Variants in FSCN2 observed in about 807,000 individuals in gnomAD.
FSCN2 encodes fascin-2.
FSCN2 carries 46 observed loss-of-function variants against 37.8 expected under a neutral mutation model. That is an observed-to-expected ratio of 1.22 (90% CI 0.96 to 1.56). The LOEUF is 1.56. Ranked by LOEUF, FSCN2 falls within the 40% of genes most tolerant of loss-of-function variation. FSCN2 has a pLI of 0.00. For synonymous variants in FSCN2, 351 were observed against 309.4 expected, an observed-to-expected ratio of 1.13 and a Z score of -1.41; for missense variants, 844 against 730.4, an observed-to-expected ratio of 1.16 and a Z score of -1.79.
At chr17:81,516,443 C>T in the FSCN2 span, among the ~76,000 whole-genome samples, 1 of 152,240 alleles carries the variant, frequency 6.6e-6, no homozygotes, top group Non-Finnish European at 1.5e-5. Flanking sequence ...CTCAGCCCAC[C>T]TCCCTCTTCT....
the FSCN2 span, among the ~76,000 whole-genome samples, chr17:81,516,928 C>T: frequency 6.6e-6 from 1 of 152,148 alleles, no homozygotes; most frequent in Admixed American, 6.5e-5. Context: ...GACCAGGTCT[C>T]TGCATGTTTT....
chr17:81,517,249 C>A, the FSCN2 span, among the ~76,000 whole-genome samples: 5 of 152,088 alleles, frequency 3.3e-5, no homozygotes, highest in Non-Finnish European at 1.5e-5. Flanking sequence ...GAGCAGGAAC[C>A]AAGGAGGCCC....
chr17:81,515,822 C>T, the FSCN2 span, among the ~76,000 whole-genome samples: 1 of 152,284 alleles, frequency 6.6e-6, no homozygotes, highest in East Asian at 1.9e-4. Context: ...CTCTACCTGC[C>T]TGGAATGTCT....
At chr17:81,516,530 C>G in the FSCN2 span, among the ~76,000 whole-genome samples, 1 of 152,188 alleles carries the variant, frequency 6.6e-6, no homozygotes, top group Non-Finnish European at 1.5e-5. Flanking sequence ...CTGGCTGGCT[C>G]CCTTGGGCAG....
intron 1 of FSCN2, among the ~76,000 whole-genome samples, chr17:81,531,354 G>A (rs879991143): frequency 4.0e-5 from 5 of 124,324 alleles, no homozygotes; most frequent in East Asian, 2.4e-4. Flanking sequence ...GGTGATGATG[G>A]TGATGGTGAT....
At chr17:81,520,504 T>C in the FSCN2 span, among the ~76,000 whole-genome samples, 1 of 152,240 alleles carries the variant, frequency 6.6e-6, no homozygotes, top group African/African-American at 2.4e-5. Flanking sequence ...AGGCATCCTT[T>C]GGGGGCGTCA....
intron 1 of FSCN2, among the ~76,000 whole-genome samples, chr17:81,530,314 C>A (rs868910327): frequency 6.6e-6 from 1 of 152,260 alleles, no homozygotes; most frequent in Non-Finnish European, 1.5e-5. Context: ...TGGGGAGGCA[C>A]CTCCCTGCCC....
intron 1 of FSCN2, among the ~76,000 whole-genome samples, chr17:81,531,672 G>GTGATGATGATGGTGA (rs2032618144): frequency 8.0e-6 from 1 of 125,238 alleles, no homozygotes; most frequent in Non-Finnish European, 1.6e-5. Flanking sequence ...GATGATGATG[G>GTGATGATGATGGTGA]TGATGATGAT....
At chr17:81,516,385 C>CTAA in the FSCN2 span, among the ~76,000 whole-genome samples, 1 of 152,216 alleles carries the variant, frequency 6.6e-6, no homozygotes, top group South Asian at 2.1e-4. Flanking sequence ...AAAGTTCTCC[C>CTAA]ATAATAAAAA....
Position 81,529,102 on chromosome 17 carries a change from A to G in FSCN2, c.571A>G (p.Ser191Gly). ...ACGGTACTGCCTCAAGTCCTGTGAC[A>G]GCCGCTACCTGCGCAGCGACGGCCG... The part of the protein sequence containing the change: ...SRRYCLKSCD[S>G]RYLRSDGRLV... The change falls in exon 1 of 5, where the codon AGC becomes GGC. Residue 191 changes from serine (S) to glycine (G), a missense_variant. Ser to Gly is a moderately conservative substitution (Grantham distance 56). Coordinates refer to ENST00000417245, the MANE Select transcript of FSCN2 (RefSeq NM_012418.4). The G allele has an allele frequency of 1.9e-6, 3 of 1,588,106 alleles. No individual in the cohort carries two copies. The highest frequency in any genetic ancestry group is 2.6e-6 in the Non-Finnish European group (3 of 1,169,058).
the FSCN2 span, among the ~76,000 whole-genome samples, chr17:81,519,827 A>G: frequency 6.6e-6 from 1 of 152,136 alleles, no homozygotes; most frequent in African/African-American, 2.4e-5. Flanking sequence ...CGAGGACAGG[A>G]GGCACCCACA....
Position 81,535,399 on chromosome 17 carries a change from TCACCATCCCTATCAC to T in FSCN2, c.983+201_983+215del, listed in dbSNP as rs1378585856. Among the ~76,000 whole-genome samples the T allele has an allele frequency of 1.9e-3, 232 of 124,324 alleles. 3 individuals carry two copies. Among genetic ancestry groups the T allele is most frequent in the Middle Eastern group, 5.4e-3 (1 of 186 alleles). The allele number at this position is 124,324 out of a possible 152,430, so 81.6% of individuals were successfully genotyped here. On this transcript the variant is annotated intron_variant, in intron 2 of 4. Coordinates refer to ENST00000417245, the MANE Select transcript of FSCN2 (RefSeq NM_012418.4). ...ATCATCGCCATCCCCATCCCCATCA[TCACCATCCCTATCAC>T]CACCATCCCCATCATCACCATCCCC...
chr17:81,525,340 C>A (rs1173552087), upstream of FSCN2, among the ~76,000 whole-genome samples: 1 of 148,456 alleles, frequency 6.7e-6, no homozygotes, highest in Non-Finnish European at 1.5e-5. Context: ...GCAGGAGAAT[C>A]GCCTGAACCT....
chr17:81,533,685 C>T (rs911053409), intron 1 of FSCN2, among the ~76,000 whole-genome samples: 16 of 152,206 alleles, frequency 1.1e-4, no homozygotes. Context: ...CTCAGCTAGC[C>T]CCTCTGGAGG....
intron 3 of FSCN2, 45 bp from the exon 4 acceptor site, chr17:81,536,577 G>C: frequency 1.2e-6 from 2 of 1,602,708 alleles, no homozygotes; most frequent in South Asian, 1.1e-5. Context: ...GCCTGGACAG[G>C]GAAGGTGGCG....
At chr17:81,523,229 G>A in the FSCN2 span, among the ~76,000 whole-genome samples, 1 of 152,322 alleles carries the variant, frequency 6.6e-6, no homozygotes, top group South Asian at 2.1e-4. Context: ...GGCAGGGAGG[G>A]GAGGGGGATT....
intron 1 of FSCN2, among the ~76,000 whole-genome samples, chr17:81,532,071 ATGGTGG>A (rs1230953369): frequency 3.3e-5 from 4 of 119,844 alleles, no homozygotes; most frequent in Non-Finnish European, 7.1e-5. Flanking sequence ...GATGATAGTG[ATGGTGG>A]TGATGGTGAT....
chr17:81,517,257 C>T, the FSCN2 span, among the ~76,000 whole-genome samples: 2 of 152,064 alleles, frequency 1.3e-5, no homozygotes, highest in African/African-American at 2.4e-5. Flanking sequence ...ACCAAGGAGG[C>T]CCCTGGAAGA....
At chr17:81,518,486 G>A in the FSCN2 span, among the ~76,000 whole-genome samples, 1 of 152,080 alleles carries the variant, frequency 6.6e-6, no homozygotes, top group Admixed American at 6.5e-5. Flanking sequence ...AGGAGGGAGC[G>A]CAGAGGAAGG....
Sources: allele counts gnomAD v4.1 joint callset (sites outside exome capture counted in the v4.1 genomes callset), GRCh38; gene constraint gnomAD v4.1.1; transcripts MANE v1.5; gene names NCBI Gene and HGNC (gene_info 2026-07-23, HGNC 2026-07-21).